The following IGF2BP3 variants were observed in gnomAD, a reference collection of about 807,000 sequenced individuals.
IGF2BP3 encodes insulin like growth factor 2 mRNA binding protein 3.
IGF2BP3 carries 9 observed loss-of-function variants against 73.8 expected under a neutral mutation model. That is an observed-to-expected ratio of 0.12 (90% confidence interval 0.07 to 0.21). The LOEUF (loss-of-function observed/expected upper bound fraction) is 0.21, where lower values mean the gene tolerates loss of function less well. Ranked by LOEUF, IGF2BP3 falls within the 10% of genes least tolerant of loss-of-function variation. The probability of loss-of-function intolerance (pLI) is 1.00; values close to 1 mark genes in which losing one functional copy is unlikely to be tolerated. For synonymous variants in IGF2BP3, 258 were observed against 256.7 expected (o/e 1.01, Z -0.05); for missense variants, 542 against 714.0 (o/e 0.76, Z 2.75).
intron 2 of IGF2BP3, among the ~76,000 whole-genome samples, chr7:23,437,997 A>G (rs1161717545): frequency 2.6e-5 from 4 of 152,390 alleles, no homozygotes; most frequent in Non-Finnish European, 4.4e-5. Flanking sequence ...TCTTAGATGA[A>G]TACTATTTGG....
chr7:23,313,476 C>T (rs1304292084), intron 13 of IGF2BP3, 46 bp downstream of exon 13: 9 of 1,598,234 alleles, frequency 5.6e-6, no homozygotes, highest in African/African-American at 2.7e-5. Flanking sequence ...TACCTTTCAA[C>T]GCTTTCCCTT....
Position 23,468,388 on chromosome 7 carries a change from G to GACAA in IGF2BP3, c.236+93_236+94insTTGT. 4.7e-6 allele frequency: 6 copies of GACAA among 1,267,690 alleles called. 1 individual carries two copies. In the South Asian group the frequency reaches 4.8e-5, roughly 10 times the overall value. 78.5% of individuals were successfully genotyped at this position (1,267,690 alleles called of 1,614,324 possible). On this transcript the variant is annotated intron_variant, in intron 2 of 14. Transcript: ENST00000258729. The stretch of plus-strand genomic sequence containing the variant: ...CGGAACACCACGCCACACGGCAGGG[G>GACAA]GTAAGCACCAGAGGACAAGAAGTTC...
chr7:23,323,791 G>T (rs1192326565), intron 10 of IGF2BP3, among the ~76,000 whole-genome samples: 2 of 152,056 alleles, frequency 1.3e-5, no homozygotes, highest in African/African-American at 4.8e-5. Context: ...CAACTACATG[G>T]AAACTGAACA....
At chr7:23,397,224 C>G (rs1445498189) in intron 3 of IGF2BP3, among the ~76,000 whole-genome samples, 1 of 152,196 alleles carries the variant, frequency 6.6e-6, no homozygotes, top group East Asian at 1.9e-4. Context: ...GATAAGACAT[C>G]AAAGTTGTCT....
chr7:23,324,271 C>G (rs955970667), intron 10 of IGF2BP3, among the ~76,000 whole-genome samples: 2 of 150,970 alleles, frequency 1.3e-5, no homozygotes, highest in African/African-American at 4.9e-5. Context: ...TACAAACTAC[C>G]ATCAGAGAAT....
intron 10 of IGF2BP3, 65 bp downstream of exon 10, chr7:23,341,999 G>A (rs984849948): frequency 2.0e-5 from 29 of 1,453,700 alleles, no homozygotes; most frequent in South Asian, 1.6e-4. Flanking sequence ...AGATGATCAC[G>A]CGGGGACTAG....
chr7:23,466,858 C>T (rs899519994), intron 2 of IGF2BP3, among the ~76,000 whole-genome samples: 2 of 152,186 alleles, frequency 1.3e-5, no homozygotes, highest in African/African-American at 4.8e-5. Flanking sequence ...AATTTAGAAA[C>T]TCTCTCAAAT....
chr7:23,446,342 A>T (rs1469397912), intron 2 of IGF2BP3, among the ~76,000 whole-genome samples: 7 of 152,144 alleles, frequency 4.6e-5, no homozygotes, highest in Admixed American at 3.9e-4. Context: ...TGGGTGGATT[A>T]CCCGAAGTCA....
At chr7:23,440,080 G>T (rs866038764) in intron 2 of IGF2BP3, among the ~76,000 whole-genome samples, 1 of 152,048 alleles carries the variant, frequency 6.6e-6, no homozygotes, top group African/African-American at 2.4e-5. Flanking sequence ...TGGCTAATAC[G>T]GTGAAACCCC....
intron 2 of IGF2BP3, among the ~76,000 whole-genome samples, chr7:23,430,303 T>A (rs901198237): frequency 6.6e-6 from 1 of 152,198 alleles, no homozygotes; most frequent in African/African-American, 2.4e-5. Flanking sequence ...CAGGCTGGTC[T>A]CGAACTCCTG....
At chr7:23,431,237 A>G (rs1325374666) in intron 2 of IGF2BP3, 1 of 152,210 alleles carries the variant, frequency 6.6e-6, no homozygotes, top group East Asian at 1.9e-4. Context: ...GTTTTATAAA[A>G]TGAACTTTAC....
rs539513780 is a variant in IGF2BP3 at position 23,333,727 on chromosome 7, T to C, written c.1203+8337A>G. ...AACTTGTCAAATAGAAGCAGCAGAGTTAGAAGCAAACTAAGTGTTTTTCCA... is the reference window on the plus strand; with the variant it reads ...AACTTGTCAAATAGAAGCAGCAGAGCTAGAAGCAAACTAAGTGTTTTTCCA... On this transcript the variant is annotated intron_variant, in intron 10 of 14. Coordinates refer to ENST00000258729, the MANE Select transcript of IGF2BP3 (RefSeq NM_006547.3). Among the ~76,000 whole-genome samples, 3 of 152,182 alleles carry C rather than the reference T, an allele frequency of 2.0e-5. No individual in the cohort carries two copies. In the South Asian group the frequency reaches 6.2e-4, roughly 32 times the overall value.
At chr7:23,337,082 AT>A (rs1304515054) in intron 10 of IGF2BP3, among the ~76,000 whole-genome samples, 1 of 152,242 alleles carries the variant, frequency 6.6e-6, no homozygotes, top group Non-Finnish European at 1.5e-5. Flanking sequence ...ATAGTTAAGT[AT>A]TAGTGATTTC....
rs1162178159 is a variant in IGF2BP3 at position 23,449,541 on chromosome 7, C to T, written c.236+18941G>A. On this transcript the variant is annotated intron_variant, in intron 2 of 14. Transcript: ENST00000258729. ...AAAAATACCTGATACAATTTTTTTT[C>T]CTTTTTCTTTTTCTTTTTTTTTTTT... 2.3e-5 allele frequency among the ~76,000 whole-genome samples: 3 copies of T among 131,964 alleles called. No individual in the cohort carries two copies. The East Asian group carries it at 6.1e-4, about 27-fold the overall frequency. 86.6% of individuals were successfully genotyped at this position (131,964 alleles called of 152,430 possible).
At chr7:23,386,293 C>G (rs1786079715) in intron 3 of IGF2BP3, among the ~76,000 whole-genome samples, 1 of 152,058 alleles carries the variant, frequency 6.6e-6, no homozygotes, top group Non-Finnish European at 1.5e-5. Context: ...GAGCCATTCT[C>G]CAATAAAAGG....
intron 2 of IGF2BP3, among the ~76,000 whole-genome samples, chr7:23,460,170 C>A (rs145899102): frequency 0.027 from 3,349 of 123,718 alleles, 65 homozygotes; most frequent in Middle Eastern, 0.042. Context: ...CCGTGCGAGA[C>A]CCTGCCTCAA....
In IGF2BP3 at chr7:23,312,125, C is replaced by A; in HGVS notation, c.*237G>T. 4.8e-6 allele frequency: 2 copies of A among 417,530 alleles called. No individual in the cohort carries two copies. Among genetic ancestry groups the A allele is most frequent in the Non-Finnish European group, 8.5e-6 (2 of 234,452 alleles). The allele number at this position is 417,530 out of a possible 1,614,324, so 25.9% of individuals were successfully genotyped here. On this transcript the variant is annotated 3_prime_UTR_variant, in exon 15 of 15. Transcript: ENST00000258729. ...CTCTTCTCTTTCCCTCCCTCCCCCA[C>A]CCTTTTTTTGTTTGTTTGTTTGTTT...
intron 2 of IGF2BP3, among the ~76,000 whole-genome samples, chr7:23,444,779 C>T (rs1183466188): frequency 6.8e-6 from 1 of 146,652 alleles, no homozygotes; most frequent in African/African-American, 2.5e-5. Context: ...CTTTTTAAAA[C>T]AGTGAGGTAG....
At chr7:23,317,593 G>A (rs1300056663) in intron 12 of IGF2BP3, 46 bp downstream of exon 12, 14 of 1,426,584 alleles carry the variant, frequency 9.8e-6, no homozygotes, top group Non-Finnish European at 1.4e-5. Flanking sequence ...TGGACTACCT[G>A]TGCATTTGTT....
Sources: gnomAD v4.1 joint callset for allele counts (sites outside exome capture counted in the v4.1 genomes callset) on GRCh38, gnomAD v4.1.1 for gene constraint, MANE v1.5 for transcripts, NCBI Gene and HGNC (gene_info 2026-07-23, HGNC 2026-07-21) for gene names.